ASIC2: variants seen among roughly 807,000 people sequenced by gnomAD.
ASIC2 encodes acid-sensing ion channel 2.
Under a neutral mutation model 57.3 loss-of-function variants are expected in ASIC2, and 25 were observed. The ratio of observed to expected loss-of-function variants is 0.44; its 90% CI spans 0.32 to 0.61. The LOEUF is 0.61. Among genes scored for constraint, ASIC2 ranks in the 20% least tolerant of loss-of-function variants. The pLI, the probability that ASIC2 is intolerant of heterozygous loss-of-function variation, is 0.06. For missense variants in ASIC2, 641 were observed against 738.1 expected (o/e 0.87, Z 1.52); for synonymous variants, 319 against 307.5 (o/e 1.04, Z -0.39).
At chr17:33,048,495 A>G (rs1258903828) in intron 3 of ASIC2, among the ~76,000 whole-genome samples, 1 of 152,240 alleles carries the variant, frequency 6.6e-6, no homozygotes, top group Non-Finnish European at 1.5e-5. Context: ...GAATTTTGAT[A>G]GTAAAATCCA....
chr17:34,083,460 G>A (rs571116996), intron 1 of ASIC2, among the ~76,000 whole-genome samples: 2 of 151,512 alleles, frequency 1.3e-5, no homozygotes, highest in Non-Finnish European at 1.5e-5. Context: ...CTTTGCTATT[G>A]TGAATAGTGC....
At chr17:33,323,974 C>G (rs1906969063) in intron 1 of ASIC2, among the ~76,000 whole-genome samples, 1 of 152,164 alleles carries the variant, frequency 6.6e-6, no homozygotes, top group Non-Finnish European at 1.5e-5. Flanking sequence ...ATTCAGTGAG[C>G]AGTGTACTCT....
chr17:33,896,945 C>T (rs1362729383), intron 1 of ASIC2, among the ~76,000 whole-genome samples: 1 of 152,146 alleles, frequency 6.6e-6, no homozygotes, highest in Non-Finnish European at 1.5e-5. Flanking sequence ...GACATCCTGG[C>T]CGAAAAATGA....
intron 1 of ASIC2, among the ~76,000 whole-genome samples, chr17:33,450,689 A>G (rs778594163): frequency 2.0e-5 from 3 of 152,224 alleles, no homozygotes; most frequent in Admixed American, 6.5e-5. Context: ...AAACCTTGTA[A>G]TCAAGAGGGA....
At chr17:34,113,519 C>G (rs1018243501) in intron 1 of ASIC2, among the ~76,000 whole-genome samples, 2 of 150,652 alleles carry the variant, frequency 1.3e-5, no homozygotes, top group African/African-American at 4.9e-5. Flanking sequence ...TATGATTGCA[C>G]TACTGCACTA....
chr17:33,525,173 C>A (rs1865391), intron 1 of ASIC2, among the ~76,000 whole-genome samples: 2 of 151,980 alleles, frequency 1.3e-5, no homozygotes, highest in Non-Finnish European at 2.9e-5. Flanking sequence ...GTGCATGGAA[C>A]AGGAGGGCAT....
chr17:33,223,306 C>G (rs148986972), intron 1 of ASIC2, among the ~76,000 whole-genome samples: 2,596 of 152,220 alleles, frequency 0.017, 58 homozygotes, highest in African/African-American at 0.054. Context: ...CCTCAGCCTC[C>G]TGAGTAGCTG....
At chr17:33,133,000 G>A (rs2092353543) in intron 1 of ASIC2, among the ~76,000 whole-genome samples, 1 of 152,194 alleles carries the variant, frequency 6.6e-6, no homozygotes, top group Non-Finnish European at 1.5e-5. Context: ...CTACCCTCAA[G>A]GATTGTATAG....
At chr17:33,104,531 G>A (rs1024794394) in intron 2 of ASIC2, among the ~76,000 whole-genome samples, 12 of 152,228 alleles carry the variant, frequency 7.9e-5, no homozygotes, top group Non-Finnish European at 1.0e-4. Context: ...GAAAGCAAAC[G>A]GGGGTTTCCA....
chr17:33,792,710 G>T, intron 1 of ASIC2: 1 of 152,214 alleles, frequency 6.6e-6, no homozygotes, highest in East Asian at 1.9e-4. Flanking sequence ...GAAGTGGTCA[G>T]ACTGAGTTTC....
intron 1 of ASIC2, among the ~76,000 whole-genome samples, chr17:33,118,761 G>A (rs529661053): frequency 3.9e-5 from 6 of 152,170 alleles, no homozygotes; most frequent in African/African-American, 1.4e-4. Flanking sequence ...ATCTGACCTG[G>A]GCTTCATGTC....
At chr17:33,538,834 G>T (rs8068494) in intron 1 of ASIC2, among the ~76,000 whole-genome samples, 2 of 152,022 alleles carry the variant, frequency 1.3e-5, no homozygotes, top group African/African-American at 2.4e-5. Flanking sequence ...TGGAGGCTCA[G>T]GTAGATTTAG....
chr17:33,563,290 A>G (rs991130231), intron 1 of ASIC2, among the ~76,000 whole-genome samples: 5 of 152,196 alleles, frequency 3.3e-5, no homozygotes, highest in Admixed American at 3.3e-4. Context: ...TGCTAATCCA[A>G]TCTGCTCAGC....
At chr17:33,387,298 A>G (rs372589484) in intron 1 of ASIC2, among the ~76,000 whole-genome samples, 1 of 152,240 alleles carries the variant, frequency 6.6e-6, no homozygotes, top group African/African-American at 2.4e-5. Context: ...TAAGGAACTC[A>G]TCAAAGGATT....
chr17:33,819,302 C>T (rs754877744), intron 1 of ASIC2, among the ~76,000 whole-genome samples: 1 of 152,226 alleles, frequency 6.6e-6, no homozygotes, highest in Non-Finnish European at 1.5e-5. Context: ...CTGTCACCCT[C>T]CGCTCCTCTC....
In ASIC2 at chr17:33,464,540, C is replaced by CTCTTTCTTTCTTTCTTTCTT. The variant is rs778336588; in HGVS notation, c.556-352493_556-352474dup. ...TCTTTCTTTCTTTCTTTCTTTCTTT[C>CTCTTTCTTTCTTTCTTTCTT]TCTTTCTTTCTTTCTTTCTTTCTTT... is the stretch of plus-strand genomic sequence containing the variant. On this transcript the variant is annotated intron_variant, in intron 1 of 9. Coordinates refer to the ASIC2 transcript ENST00000359872. Among the ~76,000 whole-genome samples the CTCTTTCTTTCTTTCTTTCTT allele has an allele frequency of 3.1e-3, 153 of 49,328 alleles. 1 individual carries two copies. The highest frequency in any genetic ancestry group is 5.8e-3 in the African/African-American group (72 of 12,452). 32.4% of individuals were successfully genotyped at this position (49,328 alleles called of 152,430 possible).
At position 34,090,904 on chromosome 17, in the gene ASIC2, C is replaced by T. The variant is rs143143994; in HGVS notation, c.555+65074G>A. Among the ~76,000 whole-genome samples, 305 of 152,344 alleles carry T rather than the reference C, an allele frequency of 2.0e-3. 2 individuals are homozygous for T. The highest frequency in any genetic ancestry group is 6.9e-3 in the African/African-American group (285 of 41,592). ...GAAGGCTCCAGGAGAAAACTTCAGG[C>T]TCACCTGGGAGGAGCTAGCAGTCTT... On this transcript the variant is annotated intron_variant, in intron 1 of 9. Coordinates refer to the ASIC2 transcript ENST00000359872.
intron 1 of ASIC2, among the ~76,000 whole-genome samples, chr17:33,538,213 G>A (rs1041877466): frequency 5.9e-5 from 9 of 152,220 alleles, no homozygotes; most frequent in Admixed American, 1.3e-4. Flanking sequence ...CTTAGAGACA[G>A]GAGAAGCAGG....
rs76891654 is a variant in ASIC2, at chr17:34,096,267, G to A, written c.555+59711C>T. Among the ~76,000 whole-genome samples the A allele has an allele frequency of 2.5e-3, 378 of 152,278 alleles. 2 individuals are homozygous for A. The highest frequency in any genetic ancestry group is 8.5e-3 in the African/African-American group (355 of 41,550). Reference sequence around the variant, plus strand: ...TGAAGGATATGGAGGAGTTAGCCCTGGAAAGGAGGAGAAGACTGGAGGAGA... The same window carrying A: ...TGAAGGATATGGAGGAGTTAGCCCTAGAAAGGAGGAGAAGACTGGAGGAGA... On this transcript the variant is annotated intron_variant, in intron 1 of 9. Coordinates refer to the ASIC2 transcript ENST00000359872.
Sources: gnomAD v4.1 joint callset for allele counts (sites outside exome capture counted in the v4.1 genomes callset) on GRCh38, gnomAD v4.1.1 for gene constraint, MANE v1.5 for transcripts, NCBI Gene and HGNC (gene_info 2026-07-23, HGNC 2026-07-21) for gene names.